Variants in ROBO2 observed in about 807,000 individuals in gnomAD.
ROBO2 encodes roundabout homolog 2.
ROBO2 carries 53 observed loss-of-function variants against 160.8 expected under a neutral mutation model. The observed-to-expected ratio is 0.33, with a 90% CI of 0.26 to 0.41. ROBO2 has a LOEUF of 0.41. Among genes scored for constraint, ROBO2 ranks in the 10% least tolerant of loss-of-function variants. ROBO2 has a pLI of 1.00. For missense variants in ROBO2, 1,577 were observed against 1,722.4 expected (o/e 0.92, Z 1.49); for synonymous variants, 664 against 611.7 (o/e 1.09, Z -1.26).
chr3:77,481,273 T>A, intron 4 of ROBO2, 54 bp downstream of exon 4: 2 of 1,416,086 alleles, frequency 1.4e-6, no homozygotes. Context: ...TTTCTTTGCT[T>A]TTAAGTATTA....
intron 2 of ROBO2, among the ~76,000 whole-genome samples, chr3:76,509,734 A>G (rs1281605197): frequency 3.9e-5 from 6 of 152,226 alleles, no homozygotes; most frequent in South Asian, 2.1e-4. Context: ...AACATCTGCC[A>G]TGAATACTTT....
At chr3:76,599,172 T>C (rs1361419931) in intron 2 of ROBO2, among the ~76,000 whole-genome samples, 1 of 152,196 alleles carries the variant, frequency 6.6e-6, no homozygotes, top group East Asian at 1.9e-4. Context: ...TCATCACCCA[T>C]GTACTAAGCC....
intron 2 of ROBO2, among the ~76,000 whole-genome samples, chr3:77,151,345 T>C (rs1317422857): frequency 6.6e-6 from 1 of 152,192 alleles, no homozygotes; most frequent in Non-Finnish European, 1.5e-5. Context: ...ATTAAAATTA[T>C]AATTTATCTG....
chr3:76,138,236 GC>G lies in ROBO2; in HGVS notation c.109+200635del, dbSNP rs548158070. ...ATGAGACAAATAGTAATAGAGAAAA[GC>G]ACTTTTATGTTGCGCTTCATATGGT... On this transcript the variant is annotated intron_variant, in intron 2 of 26. Transcript: ENST00000487694. Among the ~76,000 whole-genome samples the G allele has an allele frequency of 6.6e-5, 10 of 151,908 alleles. No individual in the cohort carries two copies. The South Asian group carries it at 1.9e-3, about 28-fold the overall frequency.
chr3:76,268,284 G>A (rs1364790075), intron 2 of ROBO2, among the ~76,000 whole-genome samples: 1 of 152,106 alleles, frequency 6.6e-6, no homozygotes, highest in Non-Finnish European at 1.5e-5. Flanking sequence ...GGGGAGGGGA[G>A]GGGAGGAGAG....
At chr3:77,240,202 TG>T (rs2088793808) in intron 2 of ROBO2, among the ~76,000 whole-genome samples, 1 of 152,100 alleles carries the variant, frequency 6.6e-6, no homozygotes, top group South Asian at 2.1e-4. Flanking sequence ...CACTCGGGCA[TG>T]GCAGGCTGCA....
intron 14 of ROBO2, among the ~76,000 whole-genome samples, chr3:77,575,594 T>C (rs934693397): frequency 2.0e-5 from 3 of 152,098 alleles, no homozygotes; most frequent in Admixed American, 2.0e-4. Context: ...TCCCATTGTT[T>C]TGCAGTGTGA....
chr3:77,584,944 A>C (rs183899488), intron 16 of ROBO2, among the ~76,000 whole-genome samples: 1 of 149,328 alleles, frequency 6.7e-6, no homozygotes, highest in Non-Finnish European at 1.5e-5. Context: ...ATATATATAT[A>C]TACACACACA....
chr3:75,972,360 T>C (rs548331547), intron 2 of ROBO2, among the ~76,000 whole-genome samples: 71 of 151,710 alleles, frequency 4.7e-4, no homozygotes, highest in African/African-American at 1.7e-3. Context: ...TTTTGGCCAT[T>C]GACCAGGACC....
chr3:76,797,165 G>A (rs1467862581), intron 2 of ROBO2, among the ~76,000 whole-genome samples: 1 of 151,998 alleles, frequency 6.6e-6, no homozygotes, highest in Non-Finnish European at 1.5e-5. Flanking sequence ...CTCAGCACAT[G>A]GATAAGTCTC....
intron 2 of ROBO2, among the ~76,000 whole-genome samples, chr3:76,698,293 C>G (rs1431144335): frequency 6.6e-6 from 1 of 152,146 alleles, no homozygotes; most frequent in Non-Finnish European, 1.5e-5. Context: ...GGTGTTTTAT[C>G]GACAGGTTCC....
chr3:77,402,719 AG>A (rs2075914969), intron 2 of ROBO2, among the ~76,000 whole-genome samples: 1 of 152,072 alleles, frequency 6.6e-6, no homozygotes, highest in Non-Finnish European at 1.5e-5. Context: ...AAGTGCTAGC[AG>A]GCCACTGTGC....
intron 2 of ROBO2, among the ~76,000 whole-genome samples, chr3:77,320,835 T>C (rs1326952401): frequency 5.3e-5 from 8 of 152,224 alleles, no homozygotes; most frequent in Non-Finnish European, 1.2e-4. Context: ...TTATCTGATA[T>C]GTGTAATGTA....
chr3:76,112,104 T>C (rs1203092032), intron 2 of ROBO2, among the ~76,000 whole-genome samples: 1 of 152,186 alleles, frequency 6.6e-6, no homozygotes, highest in Non-Finnish European at 1.5e-5. Context: ...GAATTATTTC[T>C]AGCTTTCTTT....
chr3:76,108,281 TA>T (rs1559557649), intron 2 of ROBO2, among the ~76,000 whole-genome samples: 1 of 152,092 alleles, frequency 6.6e-6, no homozygotes, highest in Non-Finnish European at 1.5e-5. Flanking sequence ...TGAAAGTTTT[TA>T]ATGAAAGATT....
intron 2 of ROBO2, among the ~76,000 whole-genome samples, chr3:76,779,791 T>G (rs1283207889): frequency 6.6e-6 from 1 of 151,012 alleles, no homozygotes; most frequent in African/African-American, 2.4e-5. Context: ...TCTTTATCTC[T>G]TCATCTATCA....
At chr3:76,571,239 A>T (rs2084940624) in intron 2 of ROBO2, among the ~76,000 whole-genome samples, 1 of 152,180 alleles carries the variant, frequency 6.6e-6, no homozygotes, top group Admixed American at 6.5e-5. Flanking sequence ...TTGTATGTGT[A>T]GGTCATGTTA....
chr3:76,787,328 C>CCACACACACACACACACACACACA lies in ROBO2; in HGVS notation c.110-310671_110-310648dup, dbSNP rs60806662. On this transcript the variant is annotated intron_variant, in intron 2 of 26. Coordinates refer to the ROBO2 transcript ENST00000487694. ...TTTCCAGTCATTAAATGTAAACACA[C>CCACACACACACACACACACACACA]CACACACACACACACACACACACAC... Among the ~76,000 whole-genome samples the CCACACACACACACACACACACACA allele has an allele frequency of 2.1e-5, 3 of 142,170 alleles. No individual in the cohort carries two copies. The Admixed American group carries it at 2.1e-4, about 10-fold the overall frequency. The allele number at this position is 142,170 out of a possible 152,430, so 93.3% of individuals were successfully genotyped here.
chr3:77,348,850 G>A (rs972102577), intron 2 of ROBO2, among the ~76,000 whole-genome samples: 3 of 152,028 alleles, frequency 2.0e-5, no homozygotes, highest in African/African-American at 7.2e-5. Flanking sequence ...TATCTTCCTT[G>A]CTTTTTCTTA....
Sources: allele counts gnomAD v4.1 joint callset (sites outside exome capture counted in the v4.1 genomes callset), GRCh38; gene constraint gnomAD v4.1.1; transcripts MANE v1.5; gene names NCBI Gene and HGNC (gene_info 2026-07-23, HGNC 2026-07-21).